Variants in MED12L observed in about 807,000 individuals in gnomAD.
The protein encoded by MED12L is mediator of RNA polymerase II transcription subunit 12-like protein.
A neutral mutation model predicts 281.3 loss-of-function variants in MED12L; 60 were observed. That is an observed-to-expected ratio of 0.21 (90% confidence interval 0.17 to 0.26). The LOEUF (loss-of-function observed/expected upper bound fraction) is 0.26. MED12L is among the 10% of genes least tolerant of loss of function. The pLI is 1.00. For missense variants in MED12L, 2,146 were observed against 2,680.9 expected (o/e 0.80, Z 4.41); for synonymous variants, 974 against 987.2 (o/e 0.99, Z 0.25).
rs201250691 is a variant in MED12L at position 151,362,073 on chromosome 3, TA to T, written c.2957+1471del. 5.6e-3 allele frequency among the ~76,000 whole-genome samples: 847 copies of T among 152,146 alleles called. 14 individuals are homozygous for T. Among genetic ancestry groups the T allele is most frequent in the African/African-American group, 0.019 (782 of 41,512 alleles). ...TTTGTCATACCTCGTATCCAGTTTG[TA>T]AATTCTGTGATCTCTGCCTTCCAAG... On this transcript the variant is annotated intron_variant, in intron 21 of 44. Coordinates refer to ENST00000687756, the MANE Select transcript of MED12L (RefSeq NM_001393769.1).
intron 3 of MED12L, among the ~76,000 whole-genome samples, chr3:151,122,416 G>A (rs1713892947): frequency 2.0e-5 from 3 of 152,160 alleles, no homozygotes; most frequent in African/African-American, 4.8e-5. Flanking sequence ...TCCTCTCAGG[G>A]AAAGCATTCT....
chr3:151,253,626 G>T (rs1207421062), intron 16 of MED12L, among the ~76,000 whole-genome samples: 1 of 152,168 alleles, frequency 6.6e-6, no homozygotes, highest in Non-Finnish European at 1.5e-5. Context: ...AGATGGTGAT[G>T]GCTGTGTCTT....
At chr3:151,201,201 A>G (rs1421434965) in intron 16 of MED12L, among the ~76,000 whole-genome samples, 1 of 151,830 alleles carries the variant, frequency 6.6e-6, no homozygotes, top group Non-Finnish European at 1.5e-5. Context: ...TTGCTGTTCT[A>G]TGCATACAAC....
intron 11 of MED12L, among the ~76,000 whole-genome samples, chr3:151,172,774 G>A (rs1229282868): frequency 2.0e-5 from 3 of 152,386 alleles, no homozygotes. Flanking sequence ...TTTCTGTTGA[G>A]ATCCAGGTGT....
In MED12L at chr3:151,156,285, G is replaced by C; in HGVS notation, c.681G>C (p.Met227Ile). ...VPVPPEVEQAMKQWEYNEKLA... is the reference protein window; with the variant it reads ...VPVPPEVEQAIKQWEYNEKLA... The stretch of plus-strand genomic sequence containing the variant: ...TGCCACCAGAGGTGGAGCAAGCCAT[G>C]AAGCAATGGGAATACAACGAAAAGC... Residue 227 changes from methionine to isoleucine, a missense_variant, in exon 6 of 45, where the codon ATG (methionine) becomes ATC (isoleucine). Coordinates refer to ENST00000687756, the MANE Select transcript of MED12L (RefSeq NM_001393769.1). 6.2e-7 allele frequency: 1 copy of C among 1,612,702 alleles called. No homozygotes were observed. The highest frequency in any genetic ancestry group is 1.1e-5 in the South Asian group (1 of 90,672).
At chr3:151,289,409 A>G (rs1743961764) in intron 16 of MED12L, among the ~76,000 whole-genome samples, 1 of 152,250 alleles carries the variant, frequency 6.6e-6, no homozygotes. Flanking sequence ...TATAAGTTAT[A>G]TACTGAGAAG....
At chr3:151,117,456 TCTAC>T (rs1448376373) in intron 3 of MED12L, among the ~76,000 whole-genome samples, 1 of 152,216 alleles carries the variant, frequency 6.6e-6, no homozygotes, top group African/African-American at 2.4e-5. Context: ...ACATATTTTT[TCTAC>T]CTACCTATCA....
intron 3 of MED12L, among the ~76,000 whole-genome samples, chr3:151,120,056 TAA>T (rs35163584): frequency 1.7e-4 from 20 of 118,292 alleles, no homozygotes; most frequent in Admixed American, 2.6e-4. Context: ...CTGTCTCTAC[TAA>T]AAAAAAAAAA....
In MED12L at chr3:151,183,972, T is replaced by C. The variant is rs111534171; in HGVS notation, c.1495-1358T>C. ...TCCTTCACTGGATTGACTTTTATAT[T>C]TTTATGTTCATATAGGTTAGAGTGA... On this transcript the variant is annotated intron_variant, in intron 11 of 44. Coordinates refer to ENST00000687756, the MANE Select transcript of MED12L (RefSeq NM_001393769.1). Among the ~76,000 whole-genome samples, 237 of 152,342 alleles carry C rather than the reference T, an allele frequency of 1.6e-3. 1 individual carries two copies. Among genetic ancestry groups the C allele is most frequent in the African/African-American group, 5.6e-3 (234 of 41,574 alleles).
intron 27 of MED12L, among the ~76,000 whole-genome samples, chr3:151,373,884 C>T (rs1179576673): frequency 1.3e-5 from 2 of 152,104 alleles, no homozygotes; most frequent in Non-Finnish European, 2.9e-5. Context: ...ACTGAGAAAC[C>T]AAGATCTGGG....
chr3:151,427,198 A>C (rs1037697156), intron 43 of MED12L, among the ~76,000 whole-genome samples: 2 of 152,228 alleles, frequency 1.3e-5, no homozygotes, highest in Non-Finnish European at 2.9e-5. Flanking sequence ...CATGTTATGT[A>C]GGCTCTGGAA....
At chr3:151,271,370 GAAAT>G (rs1740912941) in intron 16 of MED12L, among the ~76,000 whole-genome samples, 1 of 152,176 alleles carries the variant, frequency 6.6e-6, no homozygotes, top group African/African-American at 2.4e-5. Context: ...AATTGACGAG[GAAAT>G]AGAATAATTG....
rs147398043 is a variant in MED12L, at chr3:151,430,027, G to A, written c.6409-272G>A. Among the ~76,000 whole-genome samples the A allele has an allele frequency of 5.9e-3, 891 of 152,302 alleles. 13 individuals are homozygous for A. Among genetic ancestry groups the A allele is most frequent in the African/African-American group, 0.02 (830 of 41,548 alleles). On this transcript the variant is annotated intron_variant, in intron 43 of 44. Transcript: ENST00000687756. ...CAGGATCTTTGAGCTGCTGAGCTAC[G>A]TCTGTAGTGTGGAGTTCTTCATTGG...
chr3:151,364,432 T>C (rs1755031201), intron 21 of MED12L, among the ~76,000 whole-genome samples: 1 of 152,172 alleles, frequency 6.6e-6, no homozygotes. Flanking sequence ...ATTATCCATA[T>C]CCCCTTACTA....
chr3:151,097,081 G>A (rs1350525793), intron 2 of MED12L, among the ~76,000 whole-genome samples: 3 of 152,172 alleles, frequency 2.0e-5, no homozygotes, highest in Non-Finnish European at 4.4e-5. Flanking sequence ...TGCAGCCTCT[G>A]GGGATAGCTC....
chr3:151,125,320 TTTG>T (rs1714341958), intron 4 of MED12L, among the ~76,000 whole-genome samples: 1 of 152,224 alleles, frequency 6.6e-6, no homozygotes, highest in Non-Finnish European at 1.5e-5. Flanking sequence ...GAAGTCTTGA[TTTG>T]CATCAGCCAG....
chr3:151,242,418 T>G (rs1276954137), intron 16 of MED12L, among the ~76,000 whole-genome samples: 2 of 152,206 alleles, frequency 1.3e-5, no homozygotes, highest in Admixed American at 6.5e-5. Flanking sequence ...AGCACGCAGC[T>G]GGAGATCTGA....
intron 16 of MED12L, chr3:151,327,734 TAAAAAAAA>T: frequency 7.9e-6 from 2 of 252,030 alleles, no homozygotes; most frequent in Non-Finnish European, 1.4e-5. Context: ...CTCTTGAAAT[TAAAAAAAA>T]AAAAAAAGAA....
chr3:151,328,320 C>T, intron 16 of MED12L: 1 of 1,613,650 alleles, frequency 6.2e-7, no homozygotes, highest in Non-Finnish European at 8.5e-7. Flanking sequence ...TTTTTTCTGT[C>T]CTTACTTTTG....
Sources: gnomAD v4.1 joint callset for allele counts (sites outside exome capture counted in the v4.1 genomes callset) on GRCh38, gnomAD v4.1.1 for gene constraint, MANE v1.5 for transcripts, NCBI Gene and HGNC (gene_info 2026-07-23, HGNC 2026-07-21) for gene names.